Variants in UBASH3B observed in about 807,000 individuals in gnomAD.
UBASH3B encodes ubiquitin-associated and SH3 domain-containing protein B.
In UBASH3B, 37 loss-of-function variants were observed where a neutral mutation model predicts 83.4. The ratio of observed to expected loss-of-function variants is 0.44; its 90% CI spans 0.34 to 0.58. UBASH3B has a LOEUF of 0.58. UBASH3B is among the 20% of genes least tolerant of loss of function. The probability of loss-of-function intolerance (pLI) is 0.01; values close to 1 mark genes in which losing one functional copy is unlikely to be tolerated. For missense variants in UBASH3B, 657 were observed against 827.2 expected (o/e 0.79, Z 2.52); for synonymous variants, 304 against 318.3 (o/e 0.96, Z 0.48).
At chr11:122,688,409 A>G (rs117671449) in intron 1 of UBASH3B, among the ~76,000 whole-genome samples, 3,412 of 145,816 alleles carry the variant, frequency 0.023, 78 homozygotes, top group East Asian at 0.065. Flanking sequence ...GACTACAGGC[A>G]CATGCCACCA....
chr11:122,703,641 T>C (rs1054843777), intron 1 of UBASH3B, among the ~76,000 whole-genome samples: 1 of 152,224 alleles, frequency 6.6e-6, no homozygotes, highest in African/African-American at 2.4e-5. Flanking sequence ...TAAGTGGGAT[T>C]GTCTGAGACT....
At chr11:122,663,721 T>A (rs1272047148) in intron 1 of UBASH3B, among the ~76,000 whole-genome samples, 4 of 152,238 alleles carry the variant, frequency 2.6e-5, no homozygotes, top group African/African-American at 9.6e-5. Context: ...CCCATCATTA[T>A]CTGCCCCATC....
chr11:122,735,567 C>G (rs1490457056), intron 1 of UBASH3B, among the ~76,000 whole-genome samples: 2 of 152,202 alleles, frequency 1.3e-5, no homozygotes, highest in Non-Finnish European at 2.9e-5. Flanking sequence ...TTGCCCTGTC[C>G]TCTTTGGGTT....
chr11:122,741,518 G>C (rs958280437), intron 1 of UBASH3B, among the ~76,000 whole-genome samples: 1 of 152,166 alleles, frequency 6.6e-6, no homozygotes, highest in African/African-American at 2.4e-5. Flanking sequence ...AGTTCACATA[G>C]TGGTCAGTGA....
chr11:122,713,857 T>C (rs1864231971), intron 1 of UBASH3B, among the ~76,000 whole-genome samples: 1 of 152,166 alleles, frequency 6.6e-6, no homozygotes, highest in Non-Finnish European at 1.5e-5. Context: ...GTAACTCAGA[T>C]ATGCAGCTGG....
chr11:122,700,014 T>G (rs564386873), intron 1 of UBASH3B, among the ~76,000 whole-genome samples: 14 of 152,318 alleles, frequency 9.2e-5, no homozygotes, highest in South Asian at 2.1e-4. Flanking sequence ...GGTCGTGTTG[T>G]TGGTGGTGCT....
At chr11:122,797,116 TC>T in intron 9 of UBASH3B, 83 bp downstream of exon 9, 1 of 1,490,744 alleles carries the variant, frequency 6.7e-7, no homozygotes, top group Non-Finnish European at 9.0e-7. Flanking sequence ...GCAAGACACT[TC>T]CTGTGGGTTT....
chr11:122,725,048 CT>C (rs1246492450), intron 1 of UBASH3B, among the ~76,000 whole-genome samples: 15 of 143,596 alleles, frequency 1.0e-4, no homozygotes, highest in African/African-American at 4.1e-4. Context: ...CCACCACCCC[CT>C]AACCCCCACC....
intron 1 of UBASH3B, among the ~76,000 whole-genome samples, chr11:122,700,436 A>G (rs1864026693): frequency 6.6e-6 from 1 of 150,570 alleles, no homozygotes; most frequent in Non-Finnish European, 1.5e-5. Flanking sequence ...AGTTTTTTTC[A>G]CATTTTTCAA....
In UBASH3B at chr11:122,725,328, C is replaced by CAAAA. The variant is rs527272428; in HGVS notation, c.162-50878_162-50875dup. On this transcript the variant is annotated intron_variant, in intron 1 of 13. Transcript: ENST00000284273. ...GCTGTGATGAGCATAGCACCATAAACAAAAAAAAAAAAAAAAGAAAAGAAA... is the reference window on the plus strand; with the variant it reads ...GCTGTGATGAGCATAGCACCATAAACAAAAAAAAAAAAAAAAAAAAGAAAAGAAA... 2.5e-3 allele frequency among the ~76,000 whole-genome samples: 218 copies of CAAAA among 87,962 alleles called. No individual in the cohort carries two copies. In the Middle Eastern group the frequency reaches 0.041, roughly 17 times the overall value. The allele number at this position is 87,962 out of a possible 152,430, so 57.7% of individuals were successfully genotyped here.
chr11:122,745,254 T>G (rs1861099528), intron 1 of UBASH3B, among the ~76,000 whole-genome samples: 1 of 152,244 alleles, frequency 6.6e-6, no homozygotes, highest in Non-Finnish European at 1.5e-5. Flanking sequence ...GATTAGACTG[T>G]CAGCCTTCCT....
At chr11:122,765,660 T>C (rs955536991) in intron 1 of UBASH3B, among the ~76,000 whole-genome samples, 1 of 152,188 alleles carries the variant, frequency 6.6e-6, no homozygotes, top group African/African-American at 2.4e-5. Context: ...TTAACCACTC[T>C]GGCAACCACC....
chr11:122,729,317 G>A (rs998991994), intron 1 of UBASH3B, among the ~76,000 whole-genome samples: 16 of 152,264 alleles, frequency 1.1e-4, no homozygotes, highest in Middle Eastern at 3.4e-3. Flanking sequence ...GAGATGCCAC[G>A]CGGTTCTTGT....
chr11:122,790,739 G>C (rs1274612069), intron 6 of UBASH3B, among the ~76,000 whole-genome samples: 1 of 151,972 alleles, frequency 6.6e-6, no homozygotes, highest in Non-Finnish European at 1.5e-5. Flanking sequence ...TTGAGGTCAG[G>C]AGTTCAAGAC....
rs1257738729 is a variant in UBASH3B at position 122,758,056 on chromosome 11, T to G, written c.162-18163T>G. On this transcript the variant is annotated intron_variant, in intron 1 of 13. Coordinates refer to ENST00000284273, the MANE Select transcript of UBASH3B (RefSeq NM_032873.5). The surrounding 1 kb of genome is among the most constrained non-coding windows in gnomAD (Gnocchi z 4.2). ...CCACTCCTTTTGAGTCGAAGCTTCC[T>G]GGGGGCCCTTCGTCTGGCAAGGGCT... Among the ~76,000 whole-genome samples the G allele has an allele frequency of 1.3e-5, 2 of 152,134 alleles. No individual in the cohort carries two copies. Among genetic ancestry groups the G allele is most frequent in the African/African-American group, 4.8e-5 (2 of 41,418 alleles).
intron 13 of UBASH3B, among the ~76,000 whole-genome samples, chr11:122,809,203 T>G (rs1861395688): frequency 6.6e-6 from 1 of 152,178 alleles, no homozygotes; most frequent in South Asian, 2.1e-4. Flanking sequence ...GCCTCCCACG[T>G]AGCTGGGATT....
intron 1 of UBASH3B, among the ~76,000 whole-genome samples, chr11:122,743,467 C>T (rs750901382): frequency 1.4e-4 from 21 of 152,148 alleles, no homozygotes; most frequent in African/African-American, 4.1e-4. Flanking sequence ...CCTCCTGCTT[C>T]GGCTTCCAGA....
At position 122,812,375 on chromosome 11, in the gene UBASH3B, G is replaced by C. The variant is rs190631026; in HGVS notation, c.*2489G>C. The C allele has an allele frequency of 1.3e-5, 2 of 152,282 alleles. No individual in the cohort carries two copies. The highest frequency in any genetic ancestry group is 2.9e-5 in the Non-Finnish European group (2 of 68,020). The allele number at this position is 152,282 out of a possible 1,614,324, so 9.4% of individuals were successfully genotyped here. A position where few individuals can be genotyped will look rare whatever the true frequency, so the allele number is the denominator to read the frequency against. ...TGAGAAATTATTTGTAAATCATGTGGCATCTATGTATAATAAAAGAAAGAG... is the reference window on the plus strand; with the variant it reads ...TGAGAAATTATTTGTAAATCATGTGCCATCTATGTATAATAAAAGAAAGAG... On this transcript the variant is annotated 3_prime_UTR_variant, in exon 14 of 14. Coordinates refer to ENST00000284273, the MANE Select transcript of UBASH3B (RefSeq NM_032873.5).
chr11:122,715,628 T>C (rs540226239), intron 1 of UBASH3B, among the ~76,000 whole-genome samples: 30 of 152,304 alleles, frequency 2.0e-4, no homozygotes, highest in Non-Finnish European at 3.7e-4. Context: ...TTCTATTCTC[T>C]CCACCCATCT....
Sources: allele counts gnomAD v4.1 joint callset (sites outside exome capture counted in the v4.1 genomes callset), GRCh38; gene constraint gnomAD v4.1.1; non-coding constraint Gnocchi (gnomAD v3.1); transcripts MANE v1.5; gene names NCBI Gene and HGNC (gene_info 2026-07-23, HGNC 2026-07-21).